Variants in TAF1B observed in about 807,000 individuals in gnomAD.
TAF1B encodes TATA-box binding protein associated factor, RNA polymerase I subunit B.
In TAF1B, 61 loss-of-function variants were observed where a neutral mutation model predicts 83.9. The ratio of observed to expected loss-of-function variants is 0.73; its 90% CI spans 0.59 to 0.90. The LOEUF (loss-of-function observed/expected upper bound fraction) is 0.90, where lower values mean the gene tolerates loss of function less well. Among genes scored for constraint, TAF1B ranks in the 40% least tolerant of loss-of-function variants. The pLI is 0.00. For missense variants in TAF1B, 625 were observed against 677.0 expected (o/e 0.92, Z 0.85); for synonymous variants, 221 against 224.6 (o/e 0.98, Z 0.14).
At chr2:9,846,168 C>CTA (rs1663201951) in intron 2 of TAF1B, 1 of 466,274 alleles carries the variant, frequency 2.1e-6, no homozygotes, top group African/African-American at 2.0e-5. Flanking sequence ...CAAAGTTACC[C>CTA]AAGTACCAGG....
chr2:9,866,918 C>A (rs1346469935), intron 5 of TAF1B, among the ~76,000 whole-genome samples: 3 of 151,658 alleles, frequency 2.0e-5, no homozygotes, highest in Non-Finnish European at 4.4e-5. Context: ...GGGGAACATC[C>A]CATACCGGGG....
At chr2:9,918,448 C>T (rs1482628370) in intron 12 of TAF1B, among the ~76,000 whole-genome samples, 1 of 152,132 alleles carries the variant, frequency 6.6e-6, no homozygotes, top group Admixed American at 6.5e-5. Flanking sequence ...AATCCAGGAT[C>T]CCCATTTTAC....
intron 6 of TAF1B, among the ~76,000 whole-genome samples, chr2:9,872,185 G>C (rs1354923358): frequency 6.6e-6 from 1 of 152,122 alleles, no homozygotes; most frequent in South Asian, 2.1e-4. Flanking sequence ...AATTAGATGG[G>C]TGTGGTGGCG....
intron 13 of TAF1B, among the ~76,000 whole-genome samples, 155 bp from the exon 14 acceptor site, chr2:9,919,443 T>C (rs1665799244): frequency 6.6e-6 from 1 of 152,244 alleles, no homozygotes; most frequent in Non-Finnish European, 1.5e-5. Context: ...CTCATCCAGT[T>C]TCATTTTCCC....
chr2:9,909,644 G>A (rs1410418192), intron 9 of TAF1B, among the ~76,000 whole-genome samples: 1 of 152,194 alleles, frequency 6.6e-6, no homozygotes, highest in Non-Finnish European at 1.5e-5. Flanking sequence ...TATAAGGGTG[G>A]CCTAAGGAGC....
In TAF1B at chr2:9,861,611, C is replaced by T. The variant is rs2125141633; in HGVS notation, c.400-6665C>T. Among the ~76,000 whole-genome samples the T allele has an allele frequency of 1.3e-5, 2 of 152,334 alleles. 1 individual carries two copies. The highest frequency in any genetic ancestry group is 4.1e-4 in the South Asian group (2 of 4,828). On this transcript the variant is annotated intron_variant, in intron 5 of 14. Transcript: ENST00000263663. ...TTGAAGAGAGCAGTGGTTCTCCCAC[C>T]ATGCAGCTTGAGATCTGAGAACGGG...
At chr2:9,893,155 A>G (rs960248732) in intron 8 of TAF1B, among the ~76,000 whole-genome samples, 10 of 152,228 alleles carry the variant, frequency 6.6e-5, no homozygotes, top group African/African-American at 2.2e-4. Flanking sequence ...AGTAGTACAA[A>G]GAATGCCCAT....
At chr2:9,920,267 A>T (rs947590139) in intron 14 of TAF1B, among the ~76,000 whole-genome samples, 4 of 152,104 alleles carry the variant, frequency 2.6e-5, no homozygotes, top group Non-Finnish European at 5.9e-5. Flanking sequence ...TATCTCACCC[A>T]CAGTCCATAT....
At chr2:9,861,892 G>T (rs1663779501) in intron 5 of TAF1B, among the ~76,000 whole-genome samples, 1 of 152,218 alleles carries the variant, frequency 6.6e-6, no homozygotes, top group South Asian at 2.1e-4. Flanking sequence ...GGTCCTGACT[G>T]TTAGAAGGAA....
chr2:9,891,021 C>G (rs944886315), intron 8 of TAF1B, among the ~76,000 whole-genome samples: 1 of 152,236 alleles, frequency 6.6e-6, no homozygotes, highest in Non-Finnish European at 1.5e-5. Flanking sequence ...ATCCACCCGC[C>G]TCAGCCTCCC....
intron 14 of TAF1B, among the ~76,000 whole-genome samples, chr2:9,931,785 C>A (rs1276497428): frequency 1.3e-5 from 2 of 152,188 alleles, no homozygotes; most frequent in African/African-American, 4.8e-5. Context: ...TTCCATTCTC[C>A]CCGTCACTTT....
At chr2:9,906,026 G>A (rs1357340604) in intron 9 of TAF1B, among the ~76,000 whole-genome samples, 1 of 142,198 alleles carries the variant, frequency 7.0e-6, no homozygotes, top group Non-Finnish European at 1.6e-5. Flanking sequence ...GTATAGATCA[G>A]AATTACTATT....
In TAF1B at chr2:9,849,441, T is replaced by TA. The variant is rs528368939; in HGVS notation, c.197dup (p.Asn66LysfsTer4). 51,381 of 1,026,008 alleles carry TA rather than the reference T, an allele frequency of 0.05. No homozygotes were observed. Among genetic ancestry groups the TA allele is most frequent in the South Asian group, 0.074 (3,860 of 52,290 alleles). The allele number at this position is 1,026,008 out of a possible 1,614,324, so 63.6% of individuals were successfully genotyped here. ...AAATAAAAGCCCTCAACCGGGGGCT[T>TA]AAAAAAAAAAACAATACTGGTAAGT... On this transcript the variant is annotated frameshift_variant, in exon 3 of 15. Transcript: ENST00000263663. LOFTEE classifies it high-confidence loss of function.
In TAF1B at chr2:9,914,453, G is replaced by T. The variant is rs982401082; in HGVS notation, c.1271+1204G>T. On this transcript the variant is annotated intron_variant, in intron 12 of 14. Coordinates refer to ENST00000263663, the MANE Select transcript of TAF1B (RefSeq NM_005680.3). The surrounding 1 kb of genome is among the most constrained non-coding windows in gnomAD (Gnocchi z 4.3). ...TGGAGAATCAGCCTTCCTTTCTGTGGTGCTAGCTGGGGTTAGTCCTGACGG... is the reference window on the plus strand; with the variant it reads ...TGGAGAATCAGCCTTCCTTTCTGTGTTGCTAGCTGGGGTTAGTCCTGACGG... 6.6e-6 allele frequency among the ~76,000 whole-genome samples: 1 copy of T among 152,086 alleles called. No homozygotes were observed. Among genetic ancestry groups the T allele is most frequent in the African/African-American group, 2.4e-5 (1 of 41,420 alleles).
intron 14 of TAF1B, among the ~76,000 whole-genome samples, chr2:9,922,095 T>C (rs1387611603): frequency 6.6e-6 from 1 of 152,230 alleles, no homozygotes; most frequent in East Asian, 1.9e-4. Context: ...TTCTAGTAGC[T>C]AAGAGGACTT....
At chr2:9,843,460 G>C (rs1663082141), upstream of TAF1B, 2 of 1,299,222 alleles carry the variant, frequency 1.5e-6, no homozygotes, top group African/African-American at 3.7e-5. Flanking sequence ...TTTCCGGCCG[G>C]AAGCTTCTCC....
rs930184187 is a variant in TAF1B, at chr2:9,933,890, A to G, written c.1673A>G (p.His558Arg). The G allele has an allele frequency of 1.9e-6, 3 of 1,613,814 alleles. No individual in the cohort carries two copies. The highest frequency in any genetic ancestry group is 1.7e-6 in the Non-Finnish European group (2 of 1,179,780). ...CTCAGAATAAAGACTTCCCTTCTCC[A>G]TGAAGAAGTGAGCTTAGTTGAGAAG... The part of the protein sequence containing the change: ...FLLRIKTSLL[H>R]EEVSLVEKKL... The change falls in exon 15 of 15, where the codon CAT becomes CGT. Residue 558 changes from histidine (H) to arginine (R), a missense_variant. By Grantham distance (29) the His-to-Arg change is conservative. Coordinates refer to ENST00000263663, the MANE Select transcript of TAF1B (RefSeq NM_005680.3).
At chr2:9,924,481 G>T (rs1473370886) in intron 14 of TAF1B, among the ~76,000 whole-genome samples, 1 of 152,160 alleles carries the variant, frequency 6.6e-6, no homozygotes, top group Non-Finnish European at 1.5e-5. Context: ...AGCTCCAGTC[G>T]CAGAGCCTGA....
At chr2:9,911,752 G>A (rs941550156) in intron 11 of TAF1B, among the ~76,000 whole-genome samples, 195 bp downstream of exon 11, 3 of 151,994 alleles carry the variant, frequency 2.0e-5, no homozygotes, top group African/African-American at 7.3e-5. Context: ...AAATATCAGT[G>A]AGTCCGTATT....
Sources: allele counts gnomAD v4.1 joint callset (sites outside exome capture counted in the v4.1 genomes callset), GRCh38; gene constraint gnomAD v4.1.1; non-coding constraint Gnocchi (gnomAD v3.1); transcripts MANE v1.5; gene names NCBI Gene and HGNC (gene_info 2026-07-23, HGNC 2026-07-21).